The following ALOX5AP variants were observed in gnomAD, a reference collection of about 807,000 sequenced individuals.
ALOX5AP encodes the protein arachidonate 5-lipoxygenase-activating protein.
A neutral mutation model predicts 18.5 loss-of-function variants in ALOX5AP; 9 were observed. The ratio of observed to expected loss-of-function variants is 0.49; its 90% CI spans 0.29 to 0.85. The LOEUF (loss-of-function observed/expected upper bound fraction) is 0.85. Among genes scored for constraint, ALOX5AP ranks in the 40% least tolerant of loss-of-function variants. The pLI, the probability that ALOX5AP is intolerant of heterozygous loss-of-function variation, is 0.08. For missense variants in ALOX5AP, 172 were observed against 202.5 expected (o/e 0.85, Z 0.91); for synonymous variants, 81 against 78.6 (o/e 1.03, Z -0.16).
intron 3 of ALOX5AP, among the ~76,000 whole-genome samples, chr13:30,753,781 A>C (rs528077912): frequency 6.6e-6 from 1 of 152,318 alleles, no homozygotes; most frequent in Admixed American, 6.5e-5. Context: ...CAGGGGTATG[A>C]GTGTGGCCAT....
rs987688089 is a variant in ALOX5AP, at chr13:30,755,848, G to C, written c.242-96G>C. ...TTTTCCTGAAGTGCGTGTGTCTTCT[G>C]CTAGATTTTGTGACCAATGTTGATT... On this transcript the variant is annotated intron_variant, in intron 3 of 4. Transcript: ENST00000380490. 1.3e-5 allele frequency: 16 copies of C among 1,206,240 alleles called. No homozygotes were observed. The African/African-American group carries it at 2.1e-4, about 16-fold the overall frequency. 74.7% of individuals were successfully genotyped at this position (1,206,240 alleles called of 1,614,324 possible). A position where few individuals can be genotyped will look rare whatever the true frequency, so the allele number is the denominator to read the frequency against.
intron 1 of ALOX5AP, among the ~76,000 whole-genome samples, chr13:30,716,685 A>C (rs1383781106): frequency 6.6e-6 from 1 of 152,192 alleles, no homozygotes; most frequent in African/African-American, 2.4e-5. Context: ...GGGAGGGGAC[A>C]CAGTCCACAA....
chr13:30,714,806 T>G (rs1316199791), intron 1 of ALOX5AP, among the ~76,000 whole-genome samples: 1 of 152,200 alleles, frequency 6.6e-6, no homozygotes, highest in Non-Finnish European at 1.5e-5. Context: ...TGACTTTACT[T>G]AGCTTACAGC....
At chr13:30,736,192 C>A (rs1951719737) in intron 1 of ALOX5AP, among the ~76,000 whole-genome samples, 1 of 151,150 alleles carries the variant, frequency 6.6e-6, no homozygotes, top group Admixed American at 6.6e-5. Context: ...TTTTTTTCTC[C>A]TGAAGAAACT....
intron 1 of ALOX5AP, 103 bp from the exon 2 acceptor site, chr13:30,743,957 G>A: frequency 2.2e-6 from 2 of 898,250 alleles, no homozygotes; most frequent in Non-Finnish European, 3.6e-6. Context: ...GGGTTGCTTG[G>A]AGGTCAAGTC....
intron 1 of ALOX5AP, among the ~76,000 whole-genome samples, chr13:30,723,687 T>C (rs1324443342): frequency 2.0e-5 from 3 of 152,234 alleles, no homozygotes; most frequent in Non-Finnish European, 1.5e-5. Context: ...TTAAATAAAG[T>C]TATTTATGTT....
At chr13:30,743,351 CA>C (rs1452024083) in intron 1 of ALOX5AP, among the ~76,000 whole-genome samples, 3 of 152,150 alleles carry the variant, frequency 2.0e-5, no homozygotes, top group Non-Finnish European at 4.4e-5. Flanking sequence ...CTGTCCTCAC[CA>C]GAGCATCAGT....
upstream of ALOX5AP, among the ~76,000 whole-genome samples, chr13:30,731,687 C>T (rs1190087646): frequency 6.6e-6 from 1 of 152,168 alleles, no homozygotes. Flanking sequence ...CATTTTTAAC[C>T]CCTCTGAACC....
At chr13:30,724,111 C>A (rs963730819) in intron 1 of ALOX5AP, among the ~76,000 whole-genome samples, 1 of 152,190 alleles carries the variant, frequency 6.6e-6, no homozygotes, top group Non-Finnish European at 1.5e-5. Context: ...CTAGCCCCAG[C>A]TCCAGGCAAC....
chr13:30,738,188 T>C (rs958599433), intron 1 of ALOX5AP, among the ~76,000 whole-genome samples: 1 of 152,230 alleles, frequency 6.6e-6, no homozygotes, highest in African/African-American at 2.4e-5. Flanking sequence ...ACTCTCTCTA[T>C]ACTTTGAGAG....
intron 2 of ALOX5AP, among the ~76,000 whole-genome samples, chr13:30,746,475 G>A (rs1951810340): frequency 6.6e-6 from 1 of 152,206 alleles, no homozygotes; most frequent in Non-Finnish European, 1.5e-5. Context: ...TTCCTCCCTG[G>A]GCCAGCAACA....
chr13:30,724,098 G>C (rs1034524984), intron 1 of ALOX5AP, among the ~76,000 whole-genome samples: 1 of 152,048 alleles, frequency 6.6e-6, no homozygotes, highest in Non-Finnish European at 1.5e-5. Context: ...TCAATATCCA[G>C]CCCTAGCCCC....
At chr13:30,715,444 G>T (rs1566076938) in intron 1 of ALOX5AP, among the ~76,000 whole-genome samples, 1 of 152,190 alleles carries the variant, frequency 6.6e-6, no homozygotes, top group Non-Finnish European at 1.5e-5. Context: ...GCCTTCTGGG[G>T]CCCTGGGAGT....
upstream of ALOX5AP, among the ~76,000 whole-genome samples, chr13:30,734,483 G>T (rs2137800779): frequency 6.6e-6 from 1 of 152,318 alleles, no homozygotes; most frequent in African/African-American, 2.4e-5. Context: ...AGCTAAGTCT[G>T]GGACAAAGAT....
At chr13:30,752,152 C>T (rs759870460) in intron 3 of ALOX5AP, 30 bp downstream of exon 3, 2 of 1,607,594 alleles carry the variant, frequency 1.2e-6, no homozygotes, top group Non-Finnish European at 1.7e-6. Context: ...GTTCATTCTC[C>T]TTCTATAAAG....
chr13:30,753,919 G>A (rs941178531), intron 3 of ALOX5AP, among the ~76,000 whole-genome samples: 12 of 152,320 alleles, frequency 7.9e-5, no homozygotes, highest in Admixed American at 6.5e-5. Context: ...AAGGCAAATC[G>A]TGATTGTGAC....
upstream of ALOX5AP, chr13:30,735,434 TAAAAAAAAAAAAAAAAA>T (rs59918130): frequency 1.9e-5 from 16 of 857,828 alleles, no homozygotes; most frequent in East Asian, 5.1e-4. Context: ...GGTGGTTAGT[TAAAAAAAAAAAAAAAAA>T]AAAAAAAAGG....
intron 1 of ALOX5AP, among the ~76,000 whole-genome samples, chr13:30,738,464 G>A (rs545687397): frequency 6.6e-6 from 1 of 152,282 alleles, no homozygotes; most frequent in South Asian, 2.1e-4. Flanking sequence ...AGAAAAGAAA[G>A]GCTTTATTGC....
At chr13:30,730,295 A>G (rs1314712084) in intron 1 of ALOX5AP, among the ~76,000 whole-genome samples, 1 of 152,244 alleles carries the variant, frequency 6.6e-6, no homozygotes, top group Non-Finnish European at 1.5e-5. Flanking sequence ...ATGGAAGGAA[A>G]GCCCACCTGA....
Sources: allele counts gnomAD v4.1 joint callset (sites outside exome capture counted in the v4.1 genomes callset), GRCh38; gene constraint gnomAD v4.1.1; transcripts MANE v1.5; gene names NCBI Gene and HGNC (gene_info 2026-07-23, HGNC 2026-07-21).